Variants in TMA16 observed in about 807,000 individuals in gnomAD.
The protein encoded by TMA16 is translation machinery-associated protein 16.
In TMA16, 26 loss-of-function variants were observed where a neutral mutation model predicts 27.1. That is an observed-to-expected ratio of 0.96 (90% CI 0.70 to 1.33). The LOEUF (loss-of-function observed/expected upper bound fraction) is 1.33. Among genes scored for constraint, TMA16 ranks in the 40% most tolerant of loss-of-function variants. The pLI is 0.00. For missense variants in TMA16, 233 were observed against 241.4 expected (o/e 0.97, Z 0.23); for synonymous variants, 71 against 81.9 (o/e 0.87, Z 0.72).
rs752622022 is a variant in TMA16, at chr4:163,515,471, C to T, written c.388+10C>T. ...GAGGGATATGGCCTTGGTGTGCTCA[C>T]TGATTTTTTATTTTCCTTTTATATG... On this transcript the variant is annotated intron_variant, in intron 5 of 6. Coordinates refer to ENST00000358572, the MANE Select transcript of TMA16 (RefSeq NM_018352.3). 4.9e-5 allele frequency: 78 copies of T among 1,602,322 alleles called. No individual in the cohort carries two copies. Among genetic ancestry groups the T allele is most frequent in the Non-Finnish European group, 6.5e-5 (76 of 1,176,342 alleles).
chr4:163,502,460 A>C (rs1188327652), intron 1 of TMA16, among the ~76,000 whole-genome samples: 2 of 152,210 alleles, frequency 1.3e-5, no homozygotes, highest in African/African-American at 4.8e-5. Context: ...TTGCAGTCTC[A>C]AATGAGCTGC....
At chr4:163,498,267 A>G (rs979913769) in intron 1 of TMA16, among the ~76,000 whole-genome samples, 12 of 149,728 alleles carry the variant, frequency 8.0e-5, no homozygotes, top group African/African-American at 2.9e-4. Context: ...ATAAATTAAT[A>G]GAATTTCTTG....
At chr4:163,502,823 T>C (rs1393433119) in intron 1 of TMA16, among the ~76,000 whole-genome samples, 2 of 152,168 alleles carry the variant, frequency 1.3e-5, no homozygotes, top group East Asian at 3.9e-4. Flanking sequence ...AAAAAAAGTG[T>C]AGATTTGCTT....
intron 4 of TMA16, 135 bp downstream of exon 4, chr4:163,514,293 T>C: frequency 1.4e-6 from 1 of 696,668 alleles, no homozygotes; most frequent in South Asian, 2.4e-5. Flanking sequence ...ATTTCCTGGC[T>C]TAGTCACTAT....
intron 1 of TMA16, among the ~76,000 whole-genome samples, chr4:163,502,446 A>G (rs1480369346): frequency 6.6e-6 from 1 of 152,196 alleles, no homozygotes; most frequent in Non-Finnish European, 1.5e-5. Context: ...ACCTCAGGAC[A>G]TATTTGCAGT....
In TMA16 at chr4:163,507,150, G is replaced by A; in HGVS notation, c.116+5G>A. On this transcript the variant is annotated splice_donor_5th_base_variant and intron_variant, in intron 2 of 6. Transcript: ENST00000358572. The stretch of plus-strand genomic sequence containing the variant: ...CAAACAAGAAAAAAAGGAAAAGTAA[G>A]TATCTTTTCATCATTTGTATTACTC... The A allele has an allele frequency of 6.4e-7, 1 of 1,559,810 alleles. No homozygotes were observed. The highest frequency in any genetic ancestry group is 8.7e-7 in the Non-Finnish European group (1 of 1,149,960).
At chr4:163,517,372 T>C (rs1276798658) in intron 5 of TMA16, 62 bp from the exon 6 acceptor site, 2 of 1,407,740 alleles carry the variant, frequency 1.4e-6, no homozygotes, top group East Asian at 2.3e-5. Context: ...TTATTTGTTG[T>C]ACATAAAATT....
intron 1 of TMA16, among the ~76,000 whole-genome samples, chr4:163,496,707 C>T (rs984245407): frequency 2.0e-5 from 3 of 152,018 alleles, no homozygotes; most frequent in Non-Finnish European, 4.4e-5. Flanking sequence ...AAGTGATTCT[C>T]CTGCCTCAGC....
chr4:163,498,277 G>T (rs1298081080), intron 1 of TMA16, among the ~76,000 whole-genome samples: 1 of 117,106 alleles, frequency 8.5e-6, no homozygotes, highest in Admixed American at 9.6e-5. Context: ...AGAATTTCTT[G>T]GTTAAAAGAT....
chr4:163,509,389 C>T (rs989021706), intron 2 of TMA16, among the ~76,000 whole-genome samples: 1 of 152,162 alleles, frequency 6.6e-6, no homozygotes, highest in Non-Finnish European at 1.5e-5. Context: ...TAGCAGTTAC[C>T]AGATGTTGTT....
chr4:163,518,739 T>C (rs917345449), intron 6 of TMA16, among the ~76,000 whole-genome samples: 5 of 152,208 alleles, frequency 3.3e-5, no homozygotes, highest in Non-Finnish European at 7.4e-5. Context: ...ATGTATAGCA[T>C]GTATTTATAA....
At chr4:163,515,604 A>G in intron 5 of TMA16, 143 bp downstream of exon 5, 1 of 1,089,726 alleles carries the variant, frequency 9.2e-7, no homozygotes, top group Non-Finnish European at 1.3e-6. Flanking sequence ...GGGTTTAGAA[A>G]AATTTTGGAT....
intron 6 of TMA16, among the ~76,000 whole-genome samples, chr4:163,518,026 G>T (rs1259929724): frequency 2.0e-5 from 3 of 151,756 alleles, no homozygotes; most frequent in Non-Finnish European, 4.4e-5. Flanking sequence ...ACATGAGTAG[G>T]TTTATTACAA....
chr4:163,517,528 G>A (rs771930064), intron 6 of TMA16, 52 bp downstream of exon 6: 3 of 1,520,204 alleles, frequency 2.0e-6, no homozygotes, highest in East Asian at 2.3e-5. Flanking sequence ...GTACCTGACA[G>A]GTGAACTTTC....
At chr4:163,514,972 A>G (rs1162508403) in intron 4 of TMA16, among the ~76,000 whole-genome samples, 1 of 150,528 alleles carries the variant, frequency 6.6e-6, no homozygotes, top group East Asian at 2.0e-4. Context: ...TAGGGAACCC[A>G]GGAGATGGAG....
Position 163,515,426 on chromosome 4 carries a change from A to G in TMA16, c.353A>G (p.Glu118Gly). Residue 118 changes from glutamate (E) to glycine (G), a missense_variant, in exon 5 of 7, where the codon GAG becomes GGG. Transcript: ENST00000358572. The part of the protein sequence containing the change: ...SRETVIKQTM[E>G]RERQQFEGYG... ...GAGACCGTCATCAAGCAGACGATGG[A>G]GCGGGAGCGACAGCAGTTTGAGGGA... 6.2e-7 allele frequency: 1 copy of G among 1,613,998 alleles called. No homozygotes were observed. Among genetic ancestry groups the G allele is most frequent in the East Asian group, 2.2e-5 (1 of 44,862 alleles).
At chr4:163,498,796 C>T (rs1016819491) in intron 1 of TMA16, among the ~76,000 whole-genome samples, 2 of 152,138 alleles carry the variant, frequency 1.3e-5, no homozygotes, top group African/African-American at 2.4e-5. Flanking sequence ...GCCAAGATTA[C>T]GGAGGTACAC....
In TMA16 at chr4:163,506,884, G is replaced by T. The variant is rs1054696049; in HGVS notation, c.4-149G>T. On this transcript the variant is annotated intron_variant, in intron 1 of 6. Transcript: ENST00000358572. ...TTATTAGAATTATTTAATGATCCTG[G>T]CTTATCTCCTGATTTTTCTTGTAAT... The T allele has an allele frequency of 4.4e-5, 27 of 606,760 alleles. No homozygotes were observed. In the East Asian group the frequency reaches 7.6e-4, roughly 17 times the overall value. The allele number at this position is 606,760 out of a possible 1,614,324, so 37.6% of individuals were successfully genotyped here.
chr4:163,495,083 C>CT (rs11453327), intron 1 of TMA16, among the ~76,000 whole-genome samples: 72,559 of 151,946 alleles, frequency 0.48, 17,626 homozygotes, highest in Admixed American at 0.58. Flanking sequence ...TCACTACTTC[C>CT]TGGGGGAAAC....
Sources: gnomAD v4.1 joint callset for allele counts (sites outside exome capture counted in the v4.1 genomes callset) on GRCh38, gnomAD v4.1.1 for gene constraint, MANE v1.5 for transcripts, NCBI Gene and HGNC (gene_info 2026-07-23, HGNC 2026-07-21) for gene names.